Variants in ABAT observed in about 807,000 individuals in gnomAD.
ABAT encodes the protein 4-aminobutyrate aminotransferase, mitochondrial.
A neutral mutation model predicts 64.6 loss-of-function variants in ABAT; 45 were observed. The observed-to-expected ratio is 0.70, with a 90% CI of 0.55 to 0.89. ABAT has a LOEUF of 0.89. Among genes scored for constraint, ABAT ranks in the 40% least tolerant of loss-of-function variants. The pLI, the probability that ABAT is intolerant of heterozygous loss-of-function variation, is 0.00. For missense variants in ABAT, 633 were observed against 658.4 expected, an observed-to-expected ratio of 0.96 and a Z score of 0.42; for synonymous variants, 297 against 250.5, an observed-to-expected ratio of 1.19 and a Z score of -1.75.
At chr16:8,731,670 G>A (rs73499536) in intron 1 of ABAT, 2 of 150,772 alleles carry the variant, frequency 1.3e-5, no homozygotes, top group Non-Finnish European at 2.9e-5. Flanking sequence ...AAATCACACA[G>A]ATAACATAAA....
At chr16:8,689,624 A>G (rs965298584) in intron 1 of ABAT, among the ~76,000 whole-genome samples, 2 of 152,234 alleles carry the variant, frequency 1.3e-5, no homozygotes, top group Non-Finnish European at 2.9e-5. Flanking sequence ...ATGGGGCCAC[A>G]AAGGGGAGCT....
At position 8,680,506 on chromosome 16, in the gene ABAT, A is replaced by G. The variant is rs374030985; in HGVS notation, c.-42+5795A>G. On this transcript the variant is annotated intron_variant, in intron 1 of 15. Transcript: ENST00000268251. ...AGTGGTGTGATCTCGGCTTACTGCA[A>G]CCTCTGCCTCCTGGGTTCAGGCAAT... 3.9e-4 allele frequency among the ~76,000 whole-genome samples: 59 copies of G among 150,380 alleles called. 2 individuals are homozygous for G. In the South Asian group the frequency reaches 0.011, roughly 29 times the overall value.
chr16:8,703,563 T>C (rs1368357815), intron 1 of ABAT, among the ~76,000 whole-genome samples: 1 of 152,050 alleles, frequency 6.6e-6, no homozygotes, highest in African/African-American at 2.4e-5. Flanking sequence ...GGATGGCAAA[T>C]GGTGACTTAG....
intron 14 of ABAT, among the ~76,000 whole-genome samples, chr16:8,778,351 A>G (rs897291882): frequency 6.6e-6 from 1 of 151,244 alleles, no homozygotes; most frequent in African/African-American, 2.4e-5. Flanking sequence ...GCCCCTCTCC[A>G]CCTTCTCGTG....
At chr16:8,707,878 G>C (rs1250465768) in intron 1 of ABAT, among the ~76,000 whole-genome samples, 1 of 152,130 alleles carries the variant, frequency 6.6e-6, no homozygotes, top group Non-Finnish European at 1.5e-5. Flanking sequence ...CCAGGAGTTA[G>C]GGATATTGGC....
rs566916977 is a variant in ABAT, at chr16:8,740,077, C to T, written c.70+4268C>T. ...ACAGCTTACTTTTAACCCATTTAGC[C>T]CTCACCTCCACTCCTTAAGGTAAAG... On this transcript the variant is annotated intron_variant, in intron 2 of 15. Transcript: ENST00000268251. Among the ~76,000 whole-genome samples the T allele has an allele frequency of 2.0e-5, 3 of 152,006 alleles. No homozygotes were observed. In the South Asian group the frequency reaches 6.2e-4, roughly 32 times the overall value.
At chr16:8,739,946 G>A (rs2059115287) in intron 2 of ABAT, among the ~76,000 whole-genome samples, 1 of 151,210 alleles carries the variant, frequency 6.6e-6, no homozygotes, top group African/African-American at 2.4e-5. Flanking sequence ...GGTTTTTTAA[G>A]AATACTAAAA....
intron 1 of ABAT, among the ~76,000 whole-genome samples, chr16:8,681,661 A>C (rs1475334342): frequency 8.7e-6 from 1 of 114,392 alleles, no homozygotes; most frequent in Non-Finnish European, 1.8e-5. Flanking sequence ...TTTTTTTTTG[A>C]GATGGAGTCT....
chr16:8,777,590 G>T (rs113909068), intron 14 of ABAT, among the ~76,000 whole-genome samples: 2 of 152,162 alleles, frequency 1.3e-5, no homozygotes, highest in Admixed American at 1.3e-4. Flanking sequence ...GTGTGTGTGT[G>T]AGTGTGGCAG....
intron 3 of ABAT, among the ~76,000 whole-genome samples, chr16:8,747,339 T>A (rs192208141): frequency 1.6e-4 from 25 of 152,360 alleles, no homozygotes; most frequent in Non-Finnish European, 3.2e-4. Flanking sequence ...AAAACATACT[T>A]CTTTTGTCAT....
At chr16:8,766,910 G>A (rs573617912) in intron 9 of ABAT, among the ~76,000 whole-genome samples, 5 of 152,238 alleles carry the variant, frequency 3.3e-5, no homozygotes, top group African/African-American at 1.2e-4. Context: ...CGCGGAGGTT[G>A]CAGTAGGCCG....
chr16:8,739,352 G>C (rs1567296760), intron 2 of ABAT, among the ~76,000 whole-genome samples: 1 of 152,124 alleles, frequency 6.6e-6, no homozygotes, highest in Admixed American at 6.6e-5. Flanking sequence ...TCCAAGCCTC[G>C]GTTTTCTCAT....
chr16:8,766,402 C>A, intron 9 of ABAT, 132 bp downstream of exon 9: 1 of 848,054 alleles, frequency 1.2e-6, no homozygotes. Flanking sequence ...TGCCTGTAAT[C>A]CCAGCACTTT....
chr16:8,697,183 C>T (rs963055863), intron 1 of ABAT, among the ~76,000 whole-genome samples: 4 of 152,154 alleles, frequency 2.6e-5, no homozygotes, highest in African/African-American at 7.2e-5. Context: ...ATGAGACAGC[C>T]GTTTCGGGCC....
chr16:8,738,409 C>T (rs1390443312), intron 2 of ABAT: 11 of 455,714 alleles, frequency 2.4e-5, no homozygotes, highest in Admixed American at 9.4e-5. Flanking sequence ...TTGGCTTTCA[C>T]TCATTTTTCC....
chr16:8,721,248 C>A (rs532728186), intron 1 of ABAT, among the ~76,000 whole-genome samples: 1 of 152,200 alleles, frequency 6.6e-6, no homozygotes, highest in East Asian at 1.9e-4. Context: ...CAGCACCTCA[C>A]ACTCTGCCTC....
At chr16:8,775,854 C>T (rs961984129) in intron 13 of ABAT, among the ~76,000 whole-genome samples, 11 of 152,154 alleles carry the variant, frequency 7.2e-5, no homozygotes, top group African/African-American at 2.7e-4. Context: ...AAGGGTGTTT[C>T]AGTTAGCCGC....
At chr16:8,732,617 ACTT>A (rs1168638861) in intron 1 of ABAT, among the ~76,000 whole-genome samples, 1 of 151,512 alleles carries the variant, frequency 6.6e-6, no homozygotes, top group Non-Finnish European at 1.5e-5. Flanking sequence ...TCCCATGTCT[ACTT>A]CTTTCTACAC....
At chr16:8,747,303 G>T (rs1016978386) in intron 3 of ABAT, among the ~76,000 whole-genome samples, 1 of 152,064 alleles carries the variant, frequency 6.6e-6, no homozygotes, top group African/African-American at 2.4e-5. Context: ...TGCATATTTT[G>T]TCCATAATGT....
Sources: allele counts gnomAD v4.1 joint callset (sites outside exome capture counted in the v4.1 genomes callset), GRCh38; gene constraint gnomAD v4.1.1; transcripts MANE v1.5; gene names NCBI Gene and HGNC (gene_info 2026-07-23, HGNC 2026-07-21).